Variants in SLCO1A2 observed in about 807,000 individuals in gnomAD.
SLCO1A2 encodes the protein OATP-1.
SLCO1A2 carries 67 observed loss-of-function variants against 69.0 expected under a neutral mutation model. The observed-to-expected ratio is 0.97, with a 90% CI of 0.80 to 1.19. SLCO1A2 has a LOEUF of 1.19. Among genes scored for constraint, SLCO1A2 ranks in the 50% most tolerant of loss-of-function variants. SLCO1A2 has a pLI of 0.00. For synonymous variants in SLCO1A2, 260 were observed against 265.9 expected (o/e 0.98, Z 0.22); for missense variants, 787 against 793.7 (o/e 0.99, Z 0.10).
intron 1 of SLCO1A2, among the ~76,000 whole-genome samples, chr12:21,410,652 AATGCTC>A (rs1421764936): frequency 6.6e-6 from 1 of 152,190 alleles, no homozygotes; most frequent in Non-Finnish European, 1.5e-5. Flanking sequence ...ATGGTGTGTT[AATGCTC>A]AACTCTAAGA....
chr12:21,300,760 C>CG (rs1948618162), intron 7 of SLCO1A2, among the ~76,000 whole-genome samples, 191 bp from the exon 8 acceptor site: 1 of 152,212 alleles, frequency 6.6e-6, no homozygotes, highest in Non-Finnish European at 1.5e-5. Context: ...GGCTGGTTAT[C>CG]TGTCTATCAT....
At position 21,292,246 on chromosome 12, in the gene SLCO1A2, G is replaced by A. The variant is rs1488329040; in HGVS notation, c.1528C>T (p.Leu510Phe). The A allele has an allele frequency of 3.1e-6, 5 of 1,612,994 alleles. No individual in the cohort carries two copies. The highest frequency in any genetic ancestry group is 4.2e-6 in the Non-Finnish European group (5 of 1,179,346). ...CDKGPDCSLMLQYFLILSAMS... is the reference protein window; with the variant it reads ...CDKGPDCSLMFQYFLILSAMS... ...GCTGACAAGATTAGGAAGTACTGGA[G>A]CATCAAGGAACAGTCAGGTCCTTTG... Residue 510 changes from leucine to phenylalanine, a missense_variant, in exon 12 of 15, where the codon CTC (leucine) becomes TTC (phenylalanine). Physicochemically the swap from Leu to Phe is conservative, Grantham distance 22. Transcript: ENST00000683939.
chr12:21,302,779 A>C (rs1430947172), intron 6 of SLCO1A2, among the ~76,000 whole-genome samples: 1 of 151,168 alleles, frequency 6.6e-6, no homozygotes, highest in Non-Finnish European at 1.5e-5. Flanking sequence ...CTGGTCTCGA[A>C]CTCCTGAACT....
chr12:21,407,327 G>A (rs1006890125), intron 1 of SLCO1A2, among the ~76,000 whole-genome samples: 3 of 152,208 alleles, frequency 2.0e-5, no homozygotes, highest in Non-Finnish European at 4.4e-5. Context: ...TGTAGTTGGA[G>A]AAAGAGAGTT....
At chr12:21,283,641 A>G (rs1945211565) in intron 12 of SLCO1A2, among the ~76,000 whole-genome samples, 1 of 152,156 alleles carries the variant, frequency 6.6e-6, no homozygotes, top group Admixed American at 6.6e-5. Flanking sequence ...AACTCACAGA[A>G]TGAGAGAAAT....
upstream of SLCO1A2, among the ~76,000 whole-genome samples, chr12:21,397,496 C>A (rs954764421): frequency 1.3e-5 from 2 of 151,738 alleles, no homozygotes; most frequent in South Asian, 2.1e-4. Context: ...TACCCAGGAA[C>A]TGAACTCAGC....
intron 1 of SLCO1A2, among the ~76,000 whole-genome samples, chr12:21,390,095 T>A (rs1352574556): frequency 6.6e-6 from 1 of 151,940 alleles, no homozygotes; most frequent in African/African-American, 2.4e-5. Context: ...CTTATAAAAA[T>A]AGATGGAATT....
At chr12:21,373,249 T>A (rs1939930139) in intron 2 of SLCO1A2, 1 of 840,458 alleles carries the variant, frequency 1.2e-6, no homozygotes. Flanking sequence ...AAAAGATGTT[T>A]CTTTTAAAAA....
chr12:21,356,443 C>T (rs1024333048), intron 2 of SLCO1A2, among the ~76,000 whole-genome samples: 1 of 150,434 alleles, frequency 6.6e-6, no homozygotes, highest in Non-Finnish European at 1.5e-5. Flanking sequence ...AAATTTATAC[C>T]TAAAGATAAC....
rs541960815 is a variant in SLCO1A2 at position 21,328,149 on chromosome 12, G to A, written c.60+6439C>T. Among the ~76,000 whole-genome samples the A allele has an allele frequency of 1.2e-4, 18 of 152,170 alleles. No individual in the cohort carries two copies. In the East Asian group the frequency reaches 1.7e-3, roughly 15 times the overall value. ...CTTTGCTCCTCCTTTACCTTCCGTC[G>A]TAATTGTGAGGCCTCCCCAACCATG... is the stretch of plus-strand genomic sequence containing the variant. On this transcript the variant is annotated intron_variant, in intron 2 of 14. Transcript: ENST00000683939.
chr12:21,308,742 A>G (rs1449700956), intron 4 of SLCO1A2, among the ~76,000 whole-genome samples: 1 of 152,230 alleles, frequency 6.6e-6, no homozygotes, highest in African/African-American at 2.4e-5. Context: ...GTTATCTGCA[A>G]TTCTGAGCCA....
intron 12 of SLCO1A2, among the ~76,000 whole-genome samples, chr12:21,278,225 A>T (rs1234362584): frequency 6.6e-6 from 1 of 152,076 alleles, no homozygotes; most frequent in Non-Finnish European, 1.5e-5. Flanking sequence ...CCTCAGCCAC[A>T]CTAGCATAGA....
At chr12:21,364,196 A>G (rs1018954525) in intron 2 of SLCO1A2, among the ~76,000 whole-genome samples, 1 of 152,222 alleles carries the variant, frequency 6.6e-6, no homozygotes, top group African/African-American at 2.4e-5. Context: ...AAGCTTATCC[A>G]CCATGATCAA....
intron 3 of SLCO1A2, 62 bp downstream of exon 3, chr12:21,318,720 T>C: frequency 3.5e-6 from 5 of 1,426,306 alleles, no homozygotes; most frequent in Non-Finnish European, 4.7e-6. Context: ...AGAATAAAAT[T>C]CAGACTAGCT....
intron 2 of SLCO1A2, chr12:21,319,256 A>G (rs921927845): frequency 1.9e-6 from 2 of 1,044,620 alleles, no homozygotes; most frequent in South Asian, 2.5e-5. Flanking sequence ...CTAAAGTACA[A>G]AAGAATTCAT....
intron 3 of SLCO1A2, 102 bp from the exon 4 acceptor site, chr12:21,314,783 T>C: frequency 1.2e-6 from 1 of 827,082 alleles, no homozygotes; most frequent in East Asian, 2.7e-5. Context: ...GCATAACAAC[T>C]ATCTTAAATA....
At chr12:21,354,338 ACCTAC>A (rs796409068) in intron 2 of SLCO1A2, among the ~76,000 whole-genome samples, 21 of 152,268 alleles carry the variant, frequency 1.4e-4, no homozygotes, top group African/African-American at 5.1e-4. Context: ...TGTTACCTTA[ACCTAC>A]CCCTATCCTC....
chr12:21,315,267 C>T (rs891660868), intron 3 of SLCO1A2, among the ~76,000 whole-genome samples: 2 of 152,112 alleles, frequency 1.3e-5, no homozygotes, highest in African/African-American at 4.8e-5. Context: ...AGTAGACCCC[C>T]ACTTCTACTC....
chr12:21,275,036 A>G, intron 13 of SLCO1A2: 2 of 1,019,742 alleles, frequency 2.0e-6, no homozygotes, highest in Non-Finnish European at 2.3e-6. Flanking sequence ...TTACATACAG[A>G]AGGGACATTT....
Sources: gnomAD v4.1 joint callset for allele counts (sites outside exome capture counted in the v4.1 genomes callset) on GRCh38, gnomAD v4.1.1 for gene constraint, MANE v1.5 for transcripts, NCBI Gene and HGNC (gene_info 2026-07-23, HGNC 2026-07-21) for gene names.